The following SH3D19 variants were observed in gnomAD, a reference collection of about 807,000 sequenced individuals.
SH3D19 encodes the protein SH3 domain-containing protein 19.
A neutral mutation model predicts 112.1 loss-of-function variants in SH3D19; 58 were observed. The observed-to-expected ratio is 0.52, with a 90% CI of 0.42 to 0.64. The LOEUF (loss-of-function observed/expected upper bound fraction) is 0.64. Ranked by LOEUF, SH3D19 falls within the 30% of genes least tolerant of loss-of-function variation. The pLI is 0.00. For missense variants in SH3D19, 1,090 were observed against 1,263.4 expected, an observed-to-expected ratio of 0.86 and a Z score of 2.08; for synonymous variants, 391 against 448.5, an observed-to-expected ratio of 0.87 and a Z score of 1.62.
chr4:151,206,773 A>T (rs572210238), intron 2 of SH3D19, among the ~76,000 whole-genome samples: 11 of 152,324 alleles, frequency 7.2e-5, no homozygotes, highest in African/African-American at 2.6e-4. Context: ...GGGTATGAAC[A>T]GGAAGTGCAG....
intron 1 of SH3D19, chr4:151,259,396 G>T: frequency 6.6e-6 from 1 of 152,454 alleles, no homozygotes; most frequent in Non-Finnish European, 1.5e-5. Flanking sequence ...CTGAGTTTGG[G>T]AAATGACCAT....
At chr4:151,201,960 C>T (rs936958704) in intron 2 of SH3D19, among the ~76,000 whole-genome samples, 8 of 150,198 alleles carry the variant, frequency 5.3e-5, no homozygotes, top group African/African-American at 2.0e-4. Context: ...TACAGTGAGC[C>T]GAGATTGCCC....
chr4:151,163,170 T>C (rs1332432357), intron 8 of SH3D19, among the ~76,000 whole-genome samples: 1 of 152,236 alleles, frequency 6.6e-6, no homozygotes, highest in Non-Finnish European at 1.5e-5. Flanking sequence ...AGAAGACTCT[T>C]GGAAGCTTGC....
intron 2 of SH3D19, among the ~76,000 whole-genome samples, chr4:151,215,144 A>G (rs960862509): frequency 2.6e-5 from 4 of 152,034 alleles, no homozygotes; most frequent in Non-Finnish European, 5.9e-5. Flanking sequence ...CTGGTCTCAA[A>G]CTCCTGGCCT....
At chr4:151,149,084 G>A (rs1754473079) in intron 10 of SH3D19, among the ~76,000 whole-genome samples, 1 of 152,002 alleles carries the variant, frequency 6.6e-6, no homozygotes, top group South Asian at 2.1e-4. Context: ...AATGTCTTCT[G>A]ATAGCATTAC....
chr4:151,193,668 G>A (rs1002636606), intron 2 of SH3D19, among the ~76,000 whole-genome samples: 1 of 152,146 alleles, frequency 6.6e-6, no homozygotes, highest in Non-Finnish European at 1.5e-5. Flanking sequence ...TAGGTTACAT[G>A]ACATGGAACA....
intron 1 of SH3D19, among the ~76,000 whole-genome samples, chr4:151,298,455 C>T (rs1052295618): frequency 1.2e-4 from 15 of 127,286 alleles, no homozygotes; most frequent in Non-Finnish European, 2.0e-4. Flanking sequence ...GAATTACAGG[C>T]GTGAGCCACC....
chr4:151,120,993 T>C lies in SH3D19; in HGVS notation c.*1098A>G, dbSNP rs1747904943. 6.6e-6 allele frequency: 1 copy of C among 152,644 alleles called. No individual in the cohort carries two copies. Among genetic ancestry groups the C allele is most frequent in the Non-Finnish European group, 1.5e-5 (1 of 68,032 alleles). 9.5% of individuals were successfully genotyped at this position (152,644 alleles called of 1,614,324 possible). ...ATCTTAAGCTTAGAATTTATAACAA[T>C]GGAAAGCAGGAAAGTGGTTTTTCAT... On this transcript the variant is annotated 3_prime_UTR_variant, in exon 20 of 20. Transcript: ENST00000604030.
chr4:151,269,837 T>TA (rs58224731), intron 1 of SH3D19, among the ~76,000 whole-genome samples: 46,723 of 150,508 alleles, frequency 0.31, 8,939 homozygotes, highest in Non-Finnish European at 0.44. Flanking sequence ...AGCTTTTCTT[T>TA]AAAAAAAAAC....
intron 2 of SH3D19, among the ~76,000 whole-genome samples, chr4:151,208,616 T>A (rs950643620): frequency 6.6e-6 from 1 of 152,080 alleles, no homozygotes; most frequent in African/African-American, 2.4e-5. Context: ...GTGATCCACC[T>A]GCCTTGGCCT....
intron 14 of SH3D19, among the ~76,000 whole-genome samples, chr4:151,137,282 T>A (rs1752064912): frequency 1.3e-5 from 2 of 152,184 alleles, no homozygotes; most frequent in Admixed American, 1.3e-4. Context: ...AATTTTTTTT[T>A]AAAGATGGAG....
chr4:151,200,343 C>T (rs1764221710), intron 2 of SH3D19, among the ~76,000 whole-genome samples: 1 of 152,130 alleles, frequency 6.6e-6, no homozygotes, highest in Admixed American at 6.6e-5. Flanking sequence ...CTGGAGCCAG[C>T]TCATGTGAGC....
At chr4:151,193,589 A>G (rs1473231543) in intron 2 of SH3D19, among the ~76,000 whole-genome samples, 1 of 152,226 alleles carries the variant, frequency 6.6e-6, no homozygotes, top group Non-Finnish European at 1.5e-5. Context: ...ATTTGAAACC[A>G]TGTGTAATAT....
chr4:151,325,339 C>G lies in SH3D19; in HGVS notation c.14G>C (p.Arg5Pro). ...CTCTTCCTCCTCGTCCTCCCGCCGC[C>G]GGCCCTCAGCCATGGGCGAGGCGCG... Reference protein sequence around the residue: MAEGRRREDEEEELR... With the variant: MAEGPRREDEEEELR... Residue 5 changes from arginine (R) to proline (P), a missense_variant, in exon 1 of 20, where the codon CGG becomes CCG. By Grantham distance (103) the Arg-to-Pro change is moderately radical. Coordinates refer to ENST00000604030, the MANE Select transcript of SH3D19 (RefSeq NM_001378122.1). 1.6e-6 allele frequency: 2 copies of G among 1,214,266 alleles called. No homozygotes were observed. The highest frequency in any genetic ancestry group is 2.0e-6 in the Non-Finnish European group (2 of 976,624). The allele number at this position is 1,214,266 out of a possible 1,614,324, so 75.2% of individuals were successfully genotyped here.
intron 1 of SH3D19, among the ~76,000 whole-genome samples, chr4:151,301,181 C>T (rs1254808378): frequency 6.6e-6 from 1 of 152,156 alleles, no homozygotes; most frequent in African/African-American, 2.4e-5. Flanking sequence ...TAACACCATC[C>T]CCCATTGGGG....
intron 2 of SH3D19, among the ~76,000 whole-genome samples, chr4:151,215,481 C>G (rs17633530): frequency 0.091 from 13,905 of 152,284 alleles, 904 homozygotes; most frequent in East Asian, 0.19. Flanking sequence ...AGCCTCCAAA[C>G]AATCCATACT....
intron 2 of SH3D19, among the ~76,000 whole-genome samples, chr4:151,200,797 T>C (rs1764282033): frequency 6.6e-6 from 1 of 152,258 alleles, no homozygotes; most frequent in Admixed American, 6.5e-5. Context: ...AGGTTGCTCA[T>C]GCAATTGACA....
chr4:151,301,561 C>T (rs1036600868), intron 1 of SH3D19, among the ~76,000 whole-genome samples: 3 of 152,098 alleles, frequency 2.0e-5, no homozygotes, highest in African/African-American at 7.2e-5. Context: ...TGTGGCACTC[C>T]CCGCTCTCTC....
At chr4:151,279,143 A>G in intron 1 of SH3D19, 1 of 433,660 alleles carries the variant, frequency 2.3e-6, no homozygotes, top group Non-Finnish European at 4.5e-6. Context: ...ACCCTGCAGC[A>G]GCATCTTGGC....
Sources: allele counts gnomAD v4.1 joint callset (sites outside exome capture counted in the v4.1 genomes callset), GRCh38; gene constraint gnomAD v4.1.1; transcripts MANE v1.5; gene names NCBI Gene and HGNC (gene_info 2026-07-23, HGNC 2026-07-21).